The following PLB1 variants were observed in gnomAD, a reference collection of about 807,000 sequenced individuals.
The protein encoded by PLB1 is phospholipase B1, also known as phospholipase B1, membrane-associated.
In PLB1, 242 loss-of-function variants were observed where a neutral mutation model predicts 227.4. That is an observed-to-expected ratio of 1.06 (90% CI 0.96 to 1.18). The LOEUF (loss-of-function observed/expected upper bound fraction) is 1.18. Among genes scored for constraint, PLB1 ranks in the 50% most tolerant of loss-of-function variants. PLB1 has a pLI of 0.00. For synonymous variants in PLB1, 757 were observed against 682.2 expected, an observed-to-expected ratio of 1.11 and a Z score of -1.71; for missense variants, 1,858 against 1,816.3, an observed-to-expected ratio of 1.02 and a Z score of -0.42.
At chr2:28,628,662 C>T in intron 52 of PLB1, 34 bp downstream of exon 52, 1 of 1,601,838 alleles carries the variant, frequency 6.2e-7, no homozygotes, top group Non-Finnish European at 8.6e-7. Context: ...TGGGTCCCGC[C>T]AGCCACCTCC....
intron 13 of PLB1, 78 bp downstream of exon 13, chr2:28,541,889 T>A: frequency 1.7e-6 from 2 of 1,196,716 alleles, no homozygotes. Context: ...TCCCAGCACT[T>A]TGGGAGGCCG....
intron 35 of PLB1, 68 bp downstream of exon 35, chr2:28,598,828 C>A: frequency 7.3e-7 from 1 of 1,362,386 alleles, no homozygotes; most frequent in Non-Finnish European, 1.1e-6. Flanking sequence ...CCCTTTAAGA[C>A]CATGGGGCTG....
At chr2:28,511,802 T>TTTTTTTTTTTA (rs1668293619) in intron 1 of PLB1, among the ~76,000 whole-genome samples, 4 of 151,140 alleles carry the variant, frequency 2.6e-5, no homozygotes, top group Non-Finnish European at 4.4e-5. Context: ...TTTTTTTTTT[T>TTTTTTTTTTTA]GAGATGGAGT....
chr2:28,582,006 C>T (rs993926833), intron 23 of PLB1, 62 bp from the exon 24 acceptor site: 1 of 1,490,570 alleles, frequency 6.7e-7, no homozygotes, highest in Admixed American at 1.7e-5. Context: ...GAGAAAGTAG[C>T]CCTGTTCTGT....
intron 15 of PLB1, among the ~76,000 whole-genome samples, chr2:28,549,231 T>G (rs1230223797): frequency 3.3e-5 from 5 of 152,104 alleles, no homozygotes; most frequent in African/African-American, 9.7e-5. Flanking sequence ...AGATGCCATT[T>G]CCAGACCTTC....
chr2:28,554,083 A>G (rs1572935687), intron 17 of PLB1, among the ~76,000 whole-genome samples: 1 of 152,200 alleles, frequency 6.6e-6, no homozygotes, highest in East Asian at 1.9e-4. Flanking sequence ...GAAGGATGGA[A>G]TAGGGGATGT....
chr2:28,632,437 ATAGGGG>A, intron 55 of PLB1, among the ~76,000 whole-genome samples: 1 of 152,220 alleles, frequency 6.6e-6, no homozygotes, highest in Middle Eastern at 3.4e-3. Flanking sequence ...AACTCTTAGG[ATAGGGG>A]TGCTGAAAGA....
chr2:28,641,118 C>G, intron 57 of PLB1, 117 bp downstream of exon 57: 1 of 919,876 alleles, frequency 1.1e-6, no homozygotes, highest in Non-Finnish European at 1.6e-6. Flanking sequence ...GCTTCACTCA[C>G]TGCCGTCTTC....
chr2:28,639,820 G>A (rs565648980), intron 56 of PLB1, among the ~76,000 whole-genome samples: 2 of 152,140 alleles, frequency 1.3e-5, no homozygotes, highest in Non-Finnish European at 2.9e-5. Context: ...CCAATCACAC[G>A]TGCTTTCATG....
intron 1 of PLB1, among the ~76,000 whole-genome samples, chr2:28,506,126 C>G (rs1254257805): frequency 1.3e-5 from 2 of 152,166 alleles, no homozygotes; most frequent in Non-Finnish European, 2.9e-5. Flanking sequence ...TTCTAAAAAC[C>G]CAAGTTGGGC....
intron 20 of PLB1, 50 bp downstream of exon 20, chr2:28,566,889 C>G (rs377235877): frequency 1.3e-4 from 212 of 1,603,748 alleles, no homozygotes; most frequent in Non-Finnish European, 5.5e-5. Context: ...GGCCCCTGCA[C>G]GCTTCCCGCT....
At chr2:28,626,069 C>G (rs4429433) in intron 50 of PLB1, among the ~76,000 whole-genome samples, 1,722 of 151,632 alleles carry the variant, frequency 0.011, 31 homozygotes, top group African/African-American at 0.037. Flanking sequence ...GATCTCAGCT[C>G]ACTGCAGCAT....
intron 4 of PLB1, among the ~76,000 whole-genome samples, chr2:28,520,262 C>T (rs1558658791): frequency 6.6e-6 from 1 of 151,550 alleles, no homozygotes; most frequent in Non-Finnish European, 1.5e-5. Flanking sequence ...AAATGAATGC[C>T]TCTCTTTACA....
intron 35 of PLB1, 139 bp from the exon 36 acceptor site, chr2:28,600,670 T>A: frequency 1.3e-6 from 1 of 741,936 alleles, no homozygotes; most frequent in African/African-American, 1.8e-5. Context: ...GGCAAGTCAC[T>A]CCTGGTTTCT....
At chr2:28,605,830 G>A (rs1426164630) in intron 41 of PLB1, 23 bp from the exon 42 acceptor site, 1 of 1,576,978 alleles carries the variant, frequency 6.3e-7, no homozygotes, top group Non-Finnish European at 8.7e-7. Flanking sequence ...AGGATCTTGA[G>A]GGGGTATATT....
intron 1 of PLB1, among the ~76,000 whole-genome samples, chr2:28,515,657 A>G (rs767492313): frequency 2.6e-5 from 4 of 152,208 alleles, no homozygotes; most frequent in Admixed American, 6.5e-5. Flanking sequence ...AAGCTGCAGA[A>G]GAAGGCTGTG....
intron 13 of PLB1, among the ~76,000 whole-genome samples, chr2:28,542,985 A>C (rs1672718152): frequency 6.6e-6 from 1 of 152,092 alleles, no homozygotes; most frequent in African/African-American, 2.4e-5. Context: ...CCATGATGAC[A>C]TGGAGCTGCC....
chr2:28,504,724 A>G (rs967123083), intron 1 of PLB1, among the ~76,000 whole-genome samples: 8 of 152,202 alleles, frequency 5.3e-5, no homozygotes, highest in Admixed American at 2.6e-4. Flanking sequence ...CCTGGGCAAC[A>G]GAGCGAGACT....
At chr2:28,579,767 T>G in intron 23 of PLB1, 60 bp downstream of exon 23, 2 of 1,405,718 alleles carry the variant, frequency 1.4e-6, no homozygotes, top group Non-Finnish European at 2.0e-6. Context: ...CACAGCCCGG[T>G]CACTTGCTCT....
Sources: gnomAD v4.1 joint callset for allele counts (sites outside exome capture counted in the v4.1 genomes callset) on GRCh38, gnomAD v4.1.1 for gene constraint, MANE v1.5 for transcripts, NCBI Gene and HGNC (gene_info 2026-07-23, HGNC 2026-07-21) for gene names.